SYTL2: variants seen among roughly 807,000 people sequenced by gnomAD.
The protein encoded by SYTL2 is synaptotagmin like 2, also known as synaptotagmin-like protein 2.
SYTL2 carries 165 observed loss-of-function variants against 198.7 expected under a neutral mutation model. The observed-to-expected ratio is 0.83, with a 90% CI of 0.73 to 0.94. The LOEUF (loss-of-function observed/expected upper bound fraction) is 0.94, where lower values mean the gene tolerates loss of function less well. SYTL2 is among the 40% of genes least tolerant of loss of function. SYTL2 has a pLI of 0.00. For synonymous variants in SYTL2, 966 were observed against 917.7 expected, an observed-to-expected ratio of 1.05 and a Z score of -0.95; for missense variants, 2,835 against 2,582.8, an observed-to-expected ratio of 1.10 and a Z score of -2.12.
the SYTL2 span, among the ~76,000 whole-genome samples, chr11:85,820,271 C>T: frequency 5.3e-5 from 8 of 151,992 alleles, no homozygotes; most frequent in African/African-American, 1.5e-4. Context: ...ATTTGAACAA[C>T]GATTTAAATA....
At chr11:85,771,523 T>A (rs1383574397) in intron 1 of SYTL2, among the ~76,000 whole-genome samples, 1 of 152,208 alleles carries the variant, frequency 6.6e-6, no homozygotes, top group African/African-American at 2.4e-5. Flanking sequence ...GTTTATTCCA[T>A]CCTGTTTAGA....
intron 1 of SYTL2, among the ~76,000 whole-genome samples, chr11:85,772,658 C>T (rs2092379021): frequency 6.6e-6 from 1 of 152,224 alleles, no homozygotes; most frequent in South Asian, 2.1e-4. Flanking sequence ...CAGCAACCAG[C>T]CCAGCCCCAG....
intron 1 of SYTL2, among the ~76,000 whole-genome samples, chr11:85,767,388 C>T: frequency 6.6e-6 from 1 of 152,154 alleles, no homozygotes; most frequent in South Asian, 2.1e-4. Context: ...AAGCCAAACA[C>T]TGATAACAGC....
chr11:85,822,369 T>C, the SYTL2 span, among the ~76,000 whole-genome samples: 332 of 152,332 alleles, frequency 2.2e-3, 1 homozygote, highest in African/African-American at 7.6e-3. Flanking sequence ...TCTATAAGAC[T>C]GGATCTTACT....
rs1022272326 is a variant in SYTL2 at position 85,726,201 on chromosome 11, T to G, written c.3157A>C (p.Lys1053Gln). Residue 1053 changes from lysine to glutamine, a missense_variant, in exon 8 of 20, where the codon AAA becomes CAA. Physicochemically the swap from Lys to Gln is moderately conservative, Grantham distance 53. Around this residue, in one of 3 missense-constraint regions of SYTL2, gnomAD observed 2,645 missense variants for 2,381.7 expected, o/e 1.11. Coordinates refer to ENST00000359152, the MANE Select transcript of SYTL2 (RefSeq NM_206927.4). Reference protein sequence around the residue: ...KKVMAREEMEKLNSKGILQVL... With the variant: ...KKVMAREEMEQLNSKGILQVL... ...TGGAGTATGCCCTTTGAATTTAATT[T>G]CTCCATTTCCTCTCTTGCCATAACT... The G allele has an allele frequency of 2.5e-6, 4 of 1,613,386 alleles. No individual in the cohort carries two copies. The highest frequency in any genetic ancestry group is 3.4e-6 in the Non-Finnish European group (4 of 1,179,802).
chr11:85,705,730 CT>C (rs1286188074), intron 15 of SYTL2, among the ~76,000 whole-genome samples: 1 of 152,180 alleles, frequency 6.6e-6, no homozygotes, highest in Admixed American at 6.5e-5. Context: ...TGATGTACTA[CT>C]TGAATGTCCA....
chr11:85,734,298 T>C lies in SYTL2; in HGVS notation c.1031A>G (p.Gln344Arg), dbSNP rs1565949023. Residue 344 changes from glutamine (Q) to arginine (R), a missense_variant, in exon 7 of 20, where the codon CAG becomes CGG. Gln to Arg is a conservative substitution (Grantham distance 43, BLOSUM62 1). Coordinates refer to ENST00000359152, the MANE Select transcript of SYTL2 (RefSeq NM_206927.4). ...CCGACCATGGATTAGCCCAGGACTC[T>C]GTGGAAGCTCATCCTTCACTGCAGA... ...RFSAVKDELP[Q>R]SPGLIHGREV... 6.2e-7 allele frequency: 1 copy of C among 1,614,184 alleles called. No homozygotes were observed. The highest frequency in any genetic ancestry group is 2.2e-5 in the East Asian group (1 of 44,880).
At chr11:85,743,177 T>C (rs1017725224) in intron 4 of SYTL2, among the ~76,000 whole-genome samples, 4 of 152,218 alleles carry the variant, frequency 2.6e-5, no homozygotes, top group Non-Finnish European at 1.5e-5. Context: ...AGTCATTCTA[T>C]TAAAGTTCAC....
chr11:85,724,531 G>C lies in SYTL2; in HGVS notation c.4827C>G (p.Pro1609=), dbSNP rs374101847. The change falls in exon 8 of 20, where the codon CCC becomes CCG. Residue 1609 remains proline, a synonymous_variant. Coordinates refer to ENST00000359152, the MANE Select transcript of SYTL2 (RefSeq NM_206927.4). ...SEQTRFLGTV[P]HFYRAASQTS... The stretch of plus-strand genomic sequence containing the variant: ...TCTGTGAGGCTGCCCTGTAAAAATG[G>C]GGCACTGTCCCCAAGAACCTGGTCT... 3 of 1,613,748 alleles carry C rather than the reference G, an allele frequency of 1.9e-6. No individual in the cohort carries two copies. The African/African-American group carries it at 4.0e-5, about 22-fold the overall frequency.
chr11:85,731,321 TG>T (rs1386180362), intron 7 of SYTL2, among the ~76,000 whole-genome samples: 1 of 152,198 alleles, frequency 6.6e-6, no homozygotes, highest in Non-Finnish European at 1.5e-5. Flanking sequence ...TCACGCTACC[TG>T]ACTTCAAACT....
intron 1 of SYTL2, among the ~76,000 whole-genome samples, chr11:85,783,037 T>C (rs2092585899): frequency 6.6e-6 from 1 of 152,162 alleles, no homozygotes; most frequent in African/African-American, 2.4e-5. Context: ...TTTTTGGATA[T>C]CTTTACAGCA....
intron 1 of SYTL2, among the ~76,000 whole-genome samples, chr11:85,798,353 T>C (rs2092834768): frequency 6.6e-6 from 1 of 152,236 alleles, no homozygotes; most frequent in South Asian, 2.1e-4. Context: ...CTTAAGCACC[T>C]TCTTCACATG....
At chr11:85,747,780 A>G (rs1281864619) in intron 3 of SYTL2, among the ~76,000 whole-genome samples, 3 of 152,158 alleles carry the variant, frequency 2.0e-5, no homozygotes, top group Non-Finnish European at 4.4e-5. Flanking sequence ...ACTTGTTCCT[A>G]TACAGCTTAA....
chr11:85,806,494 ATT>A (rs2092960598), intron 1 of SYTL2, among the ~76,000 whole-genome samples: 1 of 152,202 alleles, frequency 6.6e-6, no homozygotes, highest in Non-Finnish European at 1.5e-5. Flanking sequence ...ATTATACTGT[ATT>A]TCTGTCAACC....
intron 17 of SYTL2, 82 bp from the exon 18 acceptor site, chr11:85,698,160 G>A: frequency 5.7e-6 from 5 of 884,736 alleles, no homozygotes; most frequent in South Asian, 4.2e-5. Context: ...GCCTAAAAAT[G>A]TTCTGGCATG....
the SYTL2 span, among the ~76,000 whole-genome samples, chr11:85,844,679 C>A: frequency 6.6e-6 from 1 of 152,178 alleles, no homozygotes. Flanking sequence ...AAGGGCAGAG[C>A]CTGAGACAAG....
rs756619206 is a variant in SYTL2 at position 85,711,257 on chromosome 11, C to T, written c.5626-25G>A. ...TCTACAAAACAGCATATAATATGCA[C>T]AATATTTAAATTCAGAATGAGTCAA... is the stretch of plus-strand genomic sequence containing the variant. On this transcript the variant is annotated intron_variant, in intron 12 of 19. Transcript: ENST00000359152. 7 of 1,604,112 alleles carry T rather than the reference C, an allele frequency of 4.4e-6. No homozygotes were observed. The Admixed American group carries it at 5.2e-5, about 12-fold the overall frequency.
chr11:85,773,814 A>T (rs2092404008), intron 1 of SYTL2, among the ~76,000 whole-genome samples: 1 of 152,232 alleles, frequency 6.6e-6, no homozygotes, highest in African/African-American at 2.4e-5. Flanking sequence ...TTAGGAAAAA[A>T]TATATAGCTA....
At chr11:85,753,365 T>C (rs2091664190) in intron 2 of SYTL2, among the ~76,000 whole-genome samples, 1 of 152,038 alleles carries the variant, frequency 6.6e-6, no homozygotes, top group Non-Finnish European at 1.5e-5. Flanking sequence ...TAGCGATACA[T>C]GGTAATAACT....
Sources: gnomAD v4.1 joint callset for allele counts (sites outside exome capture counted in the v4.1 genomes callset) on GRCh38, gnomAD v4.1.1 for gene constraint, gnomAD v4.1.1 regional missense constraint, MANE v1.5 for transcripts, NCBI Gene and HGNC (gene_info 2026-07-23, HGNC 2026-07-21) for gene names.